Variants in ARHGAP45 observed in about 807,000 individuals in gnomAD.
The protein encoded by ARHGAP45 is Rho GTPase activating protein 45.
Under a neutral mutation model 116.1 loss-of-function variants are expected in ARHGAP45, and 56 were observed. The observed-to-expected ratio is 0.48, with a 90% CI of 0.39 to 0.60. The LOEUF is 0.60. Among genes scored for constraint, ARHGAP45 ranks in the 20% least tolerant of loss-of-function variants. The pLI is 0.00. For missense variants in ARHGAP45, 1,622 were observed against 1,601.0 expected, an observed-to-expected ratio of 1.01 and a Z score of -0.22; for synonymous variants, 866 against 701.7, an observed-to-expected ratio of 1.23 and a Z score of -3.70.
At chr19:1,084,127 G>C (rs1365691202) in intron 21 of ARHGAP45, 111 bp from the exon 22 acceptor site, 4 of 990,358 alleles carry the variant, frequency 4.0e-6, no homozygotes, top group African/African-American at 3.2e-5. Flanking sequence ...CAGACCGCCT[G>C]GGCAACAGCG....
In ARHGAP45 at chr19:1,068,535, A is replaced by C; in HGVS notation, c.212A>C (p.His71Pro). Residue 71 changes from histidine (H) to proline (P), a missense_variant, in exon 2 of 23, where the codon CAC (histidine) becomes CCC (proline). His to Pro is a moderately conservative substitution (Grantham distance 77, BLOSUM62 -2). This residue lies in a region of ARHGAP45 where 279 missense variants were observed against 311.9 expected (regional missense o/e 0.89). Coordinates refer to ENST00000313093, the MANE Select transcript of ARHGAP45 (RefSeq NM_012292.5). This position sits in a 1 kb window ranked among gnomAD's most constrained non-coding sequence, Gnocchi z 7.5. ...AAGCGGCCCACCAGCCTGAGCCGCCACGCCAGCGCGGCTGGCTTCCCCCTG... is the reference window on the plus strand; with the variant it reads ...AAGCGGCCCACCAGCCTGAGCCGCCCCGCCAGCGCGGCTGGCTTCCCCCTG... ...TLKRPTSLSR[H>P]ASAAGFPLSG... The C allele has an allele frequency of 2.5e-6, 4 of 1,607,550 alleles. No individual in the cohort carries two copies. The South Asian group carries it at 4.4e-5, about 18-fold the overall frequency.
intron 21 of ARHGAP45, 102 bp from the exon 22 acceptor site, chr19:1,084,136 C>A: frequency 9.3e-7 from 1 of 1,076,066 alleles, no homozygotes; most frequent in Non-Finnish European, 1.4e-6. Flanking sequence ...TGGGCAACAG[C>A]GGGTGTCAGT....
intron 22 of ARHGAP45, 86 bp downstream of exon 22, chr19:1,084,432 C>A: frequency 9.9e-7 from 1 of 1,012,616 alleles, no homozygotes; most frequent in Non-Finnish European, 1.5e-6. Context: ...GTTGTACACA[C>A]GTGGCAGGGT....
At chr19:1,070,356 A>T (rs1447728662) in intron 2 of ARHGAP45, among the ~76,000 whole-genome samples, 1 of 108,960 alleles carries the variant, frequency 9.2e-6, no homozygotes, top group Non-Finnish European at 1.8e-5. Context: ...TTTGAGACAG[A>T]GTCTCACTCT....
At position 1,073,261 on chromosome 19, in the gene ARHGAP45, C is replaced by A; in HGVS notation, c.534C>A (p.Thr178=). 1.2e-6 allele frequency: 2 copies of A among 1,613,676 alleles called. No homozygotes were observed. Among genetic ancestry groups the A allele is most frequent in the Non-Finnish European group, 1.7e-6 (2 of 1,180,006 alleles). ...TGCTGAACACCGTGGAGACGCTCAC[C>A]GCAGCCGGCACCCTCATTGCCAAGG... ...YPLLNTVETL[T]AAGTLIAKVK... Residue 178 remains threonine, a synonymous_variant, in exon 3 of 23, where the codon ACC becomes ACA. Coordinates refer to ENST00000313093, the MANE Select transcript of ARHGAP45 (RefSeq NM_012292.5).
chr19:1,072,359 C>T (rs2043156560), intron 2 of ARHGAP45, among the ~76,000 whole-genome samples: 2 of 152,200 alleles, frequency 1.3e-5, no homozygotes, highest in South Asian at 2.1e-4. Context: ...TGTGCTTGGC[C>T]CTCTCTGCTT....
rs562294231 is a variant in ARHGAP45 at position 1,086,144 on chromosome 19, C to T, written c.*138C>T. The T allele has an allele frequency of 5.5e-6, 4 of 728,000 alleles. No homozygotes were observed. Among genetic ancestry groups the T allele is most frequent in the Admixed American group, 5.6e-5 (2 of 35,630 alleles). The allele number at this position is 728,000 out of a possible 1,614,324, so 45.1% of individuals were successfully genotyped here. A position where few individuals can be genotyped will look rare whatever the true frequency, so the allele number is the denominator to read the frequency against. Reference sequence around the variant, plus strand: ...AGAGCGCCTGGACTTCGACGTCCCACCAGCGGGCGCCTCCTCCCAGAGGCT... The same window carrying T: ...AGAGCGCCTGGACTTCGACGTCCCATCAGCGGGCGCCTCCTCCCAGAGGCT... On this transcript the variant is annotated 3_prime_UTR_variant, in exon 23 of 23. Transcript: ENST00000313093.
intron 3 of ARHGAP45, 31 bp from the exon 4 acceptor site, chr19:1,073,475 C>T: frequency 1.2e-6 from 2 of 1,605,092 alleles, no homozygotes; most frequent in Non-Finnish European, 1.7e-6. Context: ...CAGAGTGGGC[C>T]CACCTCCTTG....
intron 10 of ARHGAP45, chr19:1,077,197 G>A: frequency 2.0e-6 from 2 of 985,350 alleles, no homozygotes; most frequent in Non-Finnish European, 2.4e-6. Flanking sequence ...TGTGAGGAGG[G>A]AAGTGAAAGC....
At position 1,082,884 on chromosome 19, in the gene ARHGAP45, A is replaced by G; in HGVS notation, c.2562A>G (p.Val854=). Residue 854 remains valine (V), a synonymous_variant, in exon 20 of 23, where the codon GTA becomes GTG. Coordinates refer to ENST00000313093, the MANE Select transcript of ARHGAP45 (RefSeq NM_012292.5). ...CCTTCCGCCTCTACCACGAGCTCGT[A>G]GGGCTGGCCAAGGACAGCCTGAAGG... ...LISFRLYHEL[V]GLAKDSLKAE... 6.3e-7 allele frequency: 1 copy of G among 1,582,828 alleles called. No homozygotes were observed. Among genetic ancestry groups the G allele is most frequent in the Non-Finnish European group, 8.6e-7 (1 of 1,164,560 alleles).
At position 1,080,954 on chromosome 19, in the gene ARHGAP45, G is replaced by A. The variant is rs1293008391; in HGVS notation, c.2080G>A (p.Glu694Lys). The A allele has an allele frequency of 6.2e-7, 1 of 1,609,318 alleles. No homozygotes were observed. ...VAVPSGPFRH[E>K]GLSKAARTHR... is the part of the protein sequence containing the mutation. Reference sequence around the variant, plus strand: ...CGTGCCCAGTGGACCGTTCCGCCACGAGGGGCTGTCCAAGGCGGCCCGTAC... The same window carrying A: ...CGTGCCCAGTGGACCGTTCCGCCACAAGGGGCTGTCCAAGGCGGCCCGTAC... Residue 694 changes from glutamate to lysine, a missense_variant, in exon 17 of 23, where the codon GAG becomes AAG. Glu to Lys is a moderately conservative substitution (Grantham distance 56, BLOSUM62 1). This residue lies in a region of ARHGAP45 where 1,334 missense variants were observed against 1,263.8 expected (regional missense o/e 1.06). Coordinates refer to ENST00000313093, the MANE Select transcript of ARHGAP45 (RefSeq NM_012292.5).
chr19:1,074,411 G>A lies in ARHGAP45; in HGVS notation c.993+4G>A, dbSNP rs776394067. 5 of 1,541,766 alleles carry A rather than the reference G, an allele frequency of 3.2e-6. No homozygotes were observed. Among genetic ancestry groups the A allele is most frequent in the East Asian group, 2.3e-5 (1 of 42,972 alleles). ...CAGACAGAGCGTCATGCAGGAGGTG[G>A]GGGCCCCGCGGGCACGGGGCGGGGG... On this transcript the variant is annotated splice_donor_region_variant and intron_variant, in intron 8 of 22. Coordinates refer to ENST00000313093, the MANE Select transcript of ARHGAP45 (RefSeq NM_012292.5).
At position 1,068,273 on chromosome 19, in the gene ARHGAP45, G is replaced by A. The variant is rs1464105349; in HGVS notation, c.91-141G>A. 1.4e-5 allele frequency: 9 copies of A among 665,558 alleles called. No individual in the cohort carries two copies. Among genetic ancestry groups the A allele is most frequent in the Admixed American group, 3.2e-5 (1 of 31,514 alleles). 41.2% of individuals were successfully genotyped at this position (665,558 alleles called of 1,614,324 possible). A position where few individuals can be genotyped will look rare whatever the true frequency, so the allele number is the denominator to read the frequency against. ...GTGGGGGGGTACACTACCAAATCTC[G>A]GCCCTGTGACCTCTGGCCTTTGACC... is the stretch of plus-strand genomic sequence containing the variant. On this transcript the variant is annotated intron_variant, in intron 1 of 22. Coordinates refer to ENST00000313093, the MANE Select transcript of ARHGAP45 (RefSeq NM_012292.5). The surrounding 1 kb of genome is among the most constrained non-coding windows in gnomAD (Gnocchi z 7.5).
Position 1,067,286 on chromosome 19 carries a change from G to C in ARHGAP45, c.-120G>C. On this transcript the variant is annotated 5_prime_UTR_variant, in exon 1 of 23. Transcript: ENST00000313093. The stretch of plus-strand genomic sequence containing the variant: ...CCAGTGACGGCCGGGCCTGTCACGT[G>C]GGCCTGACAGCTGGGGAGGGGGTGG... 1 of 1,415,218 alleles carries C rather than the reference G, an allele frequency of 7.1e-7. No individual in the cohort carries two copies. Among genetic ancestry groups the C allele is most frequent in the East Asian group, 2.8e-5 (1 of 35,134 alleles). 87.7% of individuals were successfully genotyped at this position (1,415,218 alleles called of 1,614,324 possible).
Position 1,082,928 on chromosome 19 carries a change from C to T in ARHGAP45, c.2606C>T (p.Ala869Val), listed in dbSNP as rs957017104. Reference sequence around the variant, plus strand: ...CTGAAGGCAGAGGCCGAGGCCAAGGCGGCGTCCCGGGGCCGGCAGGACGGC... The same window carrying T: ...CTGAAGGCAGAGGCCGAGGCCAAGGTGGCGTCCCGGGGCCGGCAGGACGGC... ...DSLKAEAEAK[A>V]ASRGRQDGSE... Residue 869 changes from alanine (A) to valine (V), a missense_variant, in exon 20 of 23, where the codon GCG becomes GTG. Coordinates refer to ENST00000313093, the MANE Select transcript of ARHGAP45 (RefSeq NM_012292.5). The T allele has an allele frequency of 4.4e-6, 7 of 1,589,352 alleles. No homozygotes were observed. The highest frequency in any genetic ancestry group is 6.0e-6 in the Non-Finnish European group (7 of 1,170,302).
At chr19:1,080,660 A>C in intron 15 of ARHGAP45, 22 bp from the exon 16 acceptor site, 1 of 1,611,440 alleles carries the variant, frequency 6.2e-7, no homozygotes. Context: ...GGGGAGTCTG[A>C]ACAGTCCTGA....
chr19:1,066,220 G>A, upstream of ARHGAP45: 1 of 1,465,594 alleles, frequency 6.8e-7, no homozygotes, highest in East Asian at 2.5e-5. Context: ...GATTGGGGGT[G>A]GGGTTCTGGA....
intron 19 of ARHGAP45, among the ~76,000 whole-genome samples, chr19:1,082,197 G>A (rs1003101855): frequency 4.2e-5 from 6 of 143,260 alleles, no homozygotes; most frequent in Non-Finnish European, 7.6e-5. Context: ...CACGGACAGG[G>A]ACAGGAGGGG....
At chr19:1,073,096 C>G in intron 2 of ARHGAP45, 53 bp from the exon 3 acceptor site, 1 of 1,548,134 alleles carries the variant, frequency 6.5e-7, no homozygotes, top group Non-Finnish European at 8.7e-7. Context: ...GGTGGACAGA[C>G]TTTCCCTGGG....
Sources: allele counts gnomAD v4.1 joint callset (sites outside exome capture counted in the v4.1 genomes callset), GRCh38; gene constraint gnomAD v4.1.1; regional missense constraint gnomAD v4.1.1; non-coding constraint Gnocchi (gnomAD v3.1); transcripts MANE v1.5; gene names NCBI Gene and HGNC (gene_info 2026-07-23, HGNC 2026-07-21).